VAV2: variants seen among roughly 807,000 people sequenced by gnomAD.
VAV2 encodes vav guanine nucleotide exchange factor 2.
VAV2 carries 67 observed loss-of-function variants against 132.5 expected under a neutral mutation model. The ratio of observed to expected loss-of-function variants is 0.51; its 90% CI spans 0.42 to 0.62. The LOEUF (loss-of-function observed/expected upper bound fraction) is 0.62. VAV2 is among the 20% of genes least tolerant of loss of function. The pLI is 0.00. For synonymous variants in VAV2, 492 were observed against 443.5 expected (o/e 1.11, Z -1.37); for missense variants, 938 against 1,153.6 (o/e 0.81, Z 2.71).
At chr9:133,922,991 A>C (rs1373982251) in intron 2 of VAV2, among the ~76,000 whole-genome samples, 2 of 152,242 alleles carry the variant, frequency 1.3e-5, no homozygotes, top group Admixed American at 6.5e-5. Flanking sequence ...AAGAACTCCT[A>C]CAACTCAACA....
Position 133,833,404 on chromosome 9 carries a change from T to C in VAV2, c.449+868A>G, listed in dbSNP as rs1836339035. Among the ~76,000 whole-genome samples, 2 of 152,008 alleles carry C rather than the reference T, an allele frequency of 1.3e-5. No homozygotes were observed. The highest frequency in any genetic ancestry group is 6.5e-5 in the Admixed American group (1 of 15,274). On this transcript the variant is annotated intron_variant, in intron 4 of 29. Transcript: ENST00000371850. This position sits in a 1 kb window ranked among gnomAD's most constrained non-coding sequence, Gnocchi z 5.6. ...CTAAAACGAAGGGAGAGAGAAACAC[T>C]AAGAGTCTTCCAGAAGAAACCGTAG...
chr9:133,911,333 C>T (rs575279688), intron 2 of VAV2, among the ~76,000 whole-genome samples: 3 of 152,276 alleles, frequency 2.0e-5, no homozygotes, highest in Non-Finnish European at 4.4e-5. Flanking sequence ...ATGCCTGGGC[C>T]GCCAGCCACA....
At chr9:133,841,832 T>C (rs1836737590) in intron 3 of VAV2, among the ~76,000 whole-genome samples, 2 of 152,190 alleles carry the variant, frequency 1.3e-5, no homozygotes. Flanking sequence ...ATAAGCCTCC[T>C]AGTGAGCATC....
chr9:133,877,028 G>A (rs997152376), intron 2 of VAV2, among the ~76,000 whole-genome samples: 13 of 152,214 alleles, frequency 8.5e-5, no homozygotes, highest in Non-Finnish European at 1.5e-4. Context: ...TCAGCAAGTC[G>A]CTGCCTGCCC....
Position 133,806,129 on chromosome 9 carries a change from A to G in VAV2, c.788T>C (p.Met263Thr), listed in dbSNP as rs1319388006. The G allele has an allele frequency of 1.2e-6, 2 of 1,613,010 alleles. No homozygotes were observed. Among genetic ancestry groups the G allele is most frequent in the Non-Finnish European group, 8.5e-7 (1 of 1,179,964 alleles). The change falls in exon 9 of 30, where the codon ATG becomes ACG. Residue 263 changes from methionine to threonine, a missense_variant. Physicochemically the swap from Met to Thr is moderately conservative, Grantham distance 81. Coordinates refer to ENST00000371850, the MANE Select transcript of VAV2 (RefSeq NM_001134398.2). ...CTTGGCCAGCGTGCTGCCCCCCACCATCACGGACACGTCGATGGCCCTCAG... is the reference window on the plus strand; with the variant it reads ...CTTGGCCAGCGTGCTGCCCCCCACCGTCACGGACACGTCGATGGCCCTCAG... Reference protein sequence around the residue: ...SFLRAIDVSVMVGGSTLAKVF... With the variant: ...SFLRAIDVSVTVGGSTLAKVF...
chr9:133,949,940 T>A (rs1370736795), intron 1 of VAV2, among the ~76,000 whole-genome samples: 1 of 152,168 alleles, frequency 6.6e-6, no homozygotes, highest in Non-Finnish European at 1.5e-5. Flanking sequence ...CAGCCTGATT[T>A]CCAAACGAGC....
At chr9:133,972,255 T>C (rs1842360336) in intron 1 of VAV2, among the ~76,000 whole-genome samples, 1 of 152,232 alleles carries the variant, frequency 6.6e-6, no homozygotes, top group Admixed American at 6.5e-5. Context: ...ATAAGGCACC[T>C]GTCCTCAGCG....
chr9:133,971,997 G>C (rs536819641), intron 1 of VAV2, among the ~76,000 whole-genome samples: 42 of 152,266 alleles, frequency 2.8e-4, no homozygotes, highest in African/African-American at 9.4e-4. Context: ...ATGCAGATAG[G>C]CACAGAAGGG....
intron 2 of VAV2, among the ~76,000 whole-genome samples, chr9:133,881,180 A>ACGAC (rs1838480409): frequency 6.6e-6 from 1 of 152,184 alleles, no homozygotes; most frequent in South Asian, 2.1e-4. Flanking sequence ...TTCCCACCAT[A>ACGAC]CGACCCGGAG....
chr9:133,905,085 T>G (rs2810499), intron 2 of VAV2, among the ~76,000 whole-genome samples: 125,875 of 152,074 alleles, frequency 0.83, 52,880 homozygotes, highest in East Asian at 1. Flanking sequence ...AGCTGCCCTG[T>G]GCAAAGTCAC....
At chr9:133,795,286 T>G (rs1324138877) in intron 12 of VAV2, among the ~76,000 whole-genome samples, 2 of 152,030 alleles carry the variant, frequency 1.3e-5, no homozygotes, top group Non-Finnish European at 2.9e-5. Flanking sequence ...GGCAGGTAGC[T>G]GAGAGATGGC....
intron 2 of VAV2, among the ~76,000 whole-genome samples, chr9:133,878,659 A>G (rs1369598444): frequency 6.6e-6 from 1 of 151,928 alleles, no homozygotes; most frequent in Non-Finnish European, 1.5e-5. Context: ...ATCCCTGCTG[A>G]CCCCACCTGC....
Position 133,774,919 on chromosome 9 carries a change from CA to C in VAV2, c.2135+15del, listed in dbSNP as rs765935634. On this transcript the variant is annotated intron_variant, in intron 25 of 29. Transcript: ENST00000371850. ...ATTGGGGGATGGGTCTCCTCGAGCC[CA>C]GAGCCGCCACTTACTTGATGCTTAT... 15 of 1,606,414 alleles carry C rather than the reference CA, an allele frequency of 9.3e-6. No homozygotes were observed. The highest frequency in any genetic ancestry group is 1.1e-5 in the Non-Finnish European group (13 of 1,175,418).
At chr9:133,810,280 G>A (rs1209737076) in intron 5 of VAV2, 75 bp from the exon 6 acceptor site, 1 of 1,603,096 alleles carries the variant, frequency 6.2e-7, no homozygotes, top group Non-Finnish European at 8.5e-7. Context: ...CTGGGCCTGG[G>A]ACATCAGGAA....
chr9:133,821,712 C>T (rs1447206721), intron 4 of VAV2, among the ~76,000 whole-genome samples: 1 of 152,226 alleles, frequency 6.6e-6, no homozygotes, highest in Admixed American at 6.5e-5. Flanking sequence ...TCCTGCTCAG[C>T]TGTGTTGCTT....
intron 7 of VAV2, 38 bp downstream of exon 7, chr9:133,809,002 G>A: frequency 6.3e-7 from 1 of 1,591,360 alleles, no homozygotes. Context: ...GACCACAGTG[G>A]CCGCTGCCAT....
intron 2 of VAV2, among the ~76,000 whole-genome samples, chr9:133,916,682 G>A (rs1157237767): frequency 6.6e-6 from 1 of 152,188 alleles, no homozygotes; most frequent in African/African-American, 2.4e-5. Flanking sequence ...GTTGGCTAGA[G>A]GCTCACGGCT....
intron 10 of VAV2, among the ~76,000 whole-genome samples, chr9:133,797,444 C>A (rs1834762964): frequency 6.6e-6 from 1 of 152,176 alleles, no homozygotes; most frequent in Non-Finnish European, 1.5e-5. Flanking sequence ...TCAGCCAGAG[C>A]CCCCAGCTGA....
At position 133,928,490 on chromosome 9, in the gene VAV2, G is replaced by A. The variant is rs1588383512; in HGVS notation, c.321+10613C>T. 6.6e-6 allele frequency among the ~76,000 whole-genome samples: 1 copy of A among 152,170 alleles called. No individual in the cohort carries two copies. Among genetic ancestry groups the A allele is most frequent in the African/African-American group, 2.4e-5 (1 of 41,432 alleles). On this transcript the variant is annotated intron_variant, in intron 2 of 29. Transcript: ENST00000371850. The surrounding 1 kb of genome is among the most constrained non-coding windows in gnomAD (Gnocchi z 5.4). ...GCTACAAAGACTAGCACGTCTCACT[G>A]CCAGCATTAAGGCAGGGAGTGCAAA... is the stretch of plus-strand genomic sequence containing the variant.
Sources: gnomAD v4.1 joint callset for allele counts (sites outside exome capture counted in the v4.1 genomes callset) on GRCh38, gnomAD v4.1.1 for gene constraint, Gnocchi (gnomAD v3.1) non-coding constraint, MANE v1.5 for transcripts, NCBI Gene and HGNC (gene_info 2026-07-23, HGNC 2026-07-21) for gene names.